The following SH3PXD2B variants were observed in gnomAD, a reference collection of about 807,000 sequenced individuals.
SH3PXD2B encodes SH3 and PX domain-containing protein 2B.
A neutral mutation model predicts 73.1 loss-of-function variants in SH3PXD2B; 37 were observed. That is an observed-to-expected ratio of 0.51 (90% CI 0.39 to 0.67). SH3PXD2B has a LOEUF of 0.67. Ranked by LOEUF, SH3PXD2B falls within the 30% of genes least tolerant of loss-of-function variation. The pLI is 0.00. For missense variants in SH3PXD2B, 1,053 were observed against 1,197.8 expected, an observed-to-expected ratio of 0.88 and a Z score of 1.78; for synonymous variants, 457 against 480.5, an observed-to-expected ratio of 0.95 and a Z score of 0.64.
chr5:172,339,118 T>C lies in SH3PXD2B; in HGVS notation c.1987A>G (p.Ile663Val). The change falls in exon 13 of 13, where the codon ATC becomes GTC. Residue 663 changes from isoleucine (I) to valine (V), a missense_variant. Ile to Val is a conservative substitution (Grantham distance 29). Coordinates refer to ENST00000311601, the MANE Select transcript of SH3PXD2B (RefSeq NM_001017995.3). The surrounding 1 kb of genome is among the most constrained non-coding windows in gnomAD (Gnocchi z 6.1). Reference sequence around the variant, plus strand: ...CTGAGCTTACTCCTGAGGTTGCAGATGTCGACTTGGTCTTCGCCCTGAGGT... The same window carrying C: ...CTGAGCTTACTCCTGAGGTTGCAGACGTCGACTTGGTCTTCGCCCTGAGGT... Reference protein sequence around the residue: ...EPPQGEDQVDICNLRSKLRPA... With the variant: ...EPPQGEDQVDVCNLRSKLRPA... 3 of 1,614,236 alleles carry C rather than the reference T, an allele frequency of 1.9e-6. No homozygotes were observed. Among genetic ancestry groups the C allele is most frequent in the Non-Finnish European group, 1.7e-6 (2 of 1,180,050 alleles).
intron 6 of SH3PXD2B, among the ~76,000 whole-genome samples, chr5:172,371,140 C>G (rs913652078): frequency 3.3e-5 from 5 of 152,164 alleles, no homozygotes; most frequent in Non-Finnish European, 7.4e-5. Context: ...CATATTTTTT[C>G]TTCATGATGA....
At chr5:172,394,797 T>G (rs1369781461) in intron 3 of SH3PXD2B, among the ~76,000 whole-genome samples, 158 bp from the exon 4 acceptor site, 1 of 152,140 alleles carries the variant, frequency 6.6e-6, no homozygotes, top group South Asian at 2.1e-4. Context: ...CCGTGAGGCT[T>G]GGATAAGCCC....
intron 2 of SH3PXD2B, among the ~76,000 whole-genome samples, chr5:172,416,420 C>T (rs537171624): frequency 9.9e-5 from 15 of 151,882 alleles, no homozygotes; most frequent in African/African-American, 2.7e-4. Context: ...CTCTGCCTCC[C>T]GGGTTCAAAT....
intron 6 of SH3PXD2B, among the ~76,000 whole-genome samples, chr5:172,368,391 T>G (rs1757572872): frequency 7.0e-6 from 1 of 143,190 alleles, no homozygotes; most frequent in South Asian, 2.1e-4. Context: ...ACTGCTATAT[T>G]CATACTGCCT....
At chr5:172,333,337 A>G (rs1756602486), downstream of SH3PXD2B, among the ~76,000 whole-genome samples, 1 of 152,046 alleles carries the variant, frequency 6.6e-6, no homozygotes, top group Non-Finnish European at 1.5e-5. Flanking sequence ...CATTGTAGTT[A>G]AGAGAATGAA....
At chr5:172,380,584 G>A (rs1196278262) in intron 5 of SH3PXD2B, among the ~76,000 whole-genome samples, 2 of 152,120 alleles carry the variant, frequency 1.3e-5, no homozygotes, top group Non-Finnish European at 2.9e-5. Context: ...AGACACCAAC[G>A]CCAAAGACAC....
At chr5:172,449,922 C>T (rs988210248) in intron 1 of SH3PXD2B, among the ~76,000 whole-genome samples, 4 of 152,066 alleles carry the variant, frequency 2.6e-5, no homozygotes, top group Admixed American at 6.5e-5. Context: ...ACAGTTAAAA[C>T]GAACTGGAGC....
intron 4 of SH3PXD2B, among the ~76,000 whole-genome samples, chr5:172,384,329 TA>T (rs1438916452): frequency 6.6e-6 from 1 of 152,014 alleles, no homozygotes; most frequent in South Asian, 2.1e-4. Flanking sequence ...TTTCTCCCAT[TA>T]AAAAAATTAA....
At chr5:172,381,992 A>G (rs776505786) in intron 5 of SH3PXD2B, 44 bp downstream of exon 5, 2 of 1,494,434 alleles carry the variant, frequency 1.3e-6, no homozygotes. Context: ...GGCAGGAGGG[A>G]GGGCTGTGGG....
intron 4 of SH3PXD2B, among the ~76,000 whole-genome samples, 161 bp downstream of exon 4, chr5:172,394,402 G>A (rs1461583834): frequency 1.3e-5 from 2 of 151,978 alleles, no homozygotes; most frequent in Non-Finnish European, 2.9e-5. Flanking sequence ...ATAACTAACT[G>A]TTGCCTCTAA....
rs147635283 is a variant in SH3PXD2B at position 172,451,106 on chromosome 5, C to T, written c.75+3172G>A. 6.4e-3 allele frequency among the ~76,000 whole-genome samples: 969 copies of T among 152,280 alleles called. 10 individuals are homozygous for T. Among genetic ancestry groups the T allele is most frequent in the Middle Eastern group, 0.014 (4 of 294 alleles). ...TGACTGAGGCTGGGGCTGGAGAGGA[C>T]GCCATTCTGATCATGGAGAAGGCAC... On this transcript the variant is annotated intron_variant, in intron 1 of 12. Coordinates refer to ENST00000311601, the MANE Select transcript of SH3PXD2B (RefSeq NM_001017995.3).
intron 1 of SH3PXD2B, among the ~76,000 whole-genome samples, chr5:172,449,876 A>G (rs1158951318): frequency 6.6e-6 from 1 of 152,238 alleles, no homozygotes; most frequent in Non-Finnish European, 1.5e-5. Context: ...CGAGCTTGAA[A>G]AAACAGGGGC....
intron 9 of SH3PXD2B, among the ~76,000 whole-genome samples, chr5:172,351,924 T>C (rs1196939716): frequency 6.6e-6 from 1 of 152,112 alleles, no homozygotes; most frequent in Non-Finnish European, 1.5e-5. Context: ...CACGCTCAGT[T>C]TGACATAGTT....
At chr5:172,446,338 C>T (rs1347630703) in intron 1 of SH3PXD2B, among the ~76,000 whole-genome samples, 1 of 152,204 alleles carries the variant, frequency 6.6e-6, no homozygotes, top group African/African-American at 2.4e-5. Context: ...TCTCTTTTGG[C>T]CACTTGTGGG....
At chr5:172,426,044 T>A (rs145724598) in intron 1 of SH3PXD2B, among the ~76,000 whole-genome samples, 235 of 152,284 alleles carry the variant, frequency 1.5e-3, no homozygotes, top group African/African-American at 5.4e-3. Flanking sequence ...AATGGATTTT[T>A]TTCTTAAAAC....
intron 2 of SH3PXD2B, 99 bp from the exon 3 acceptor site, chr5:172,406,451 A>T: frequency 7.2e-7 from 1 of 1,382,548 alleles, no homozygotes; most frequent in Non-Finnish European, 1.0e-6. Flanking sequence ...GTGATGTGAT[A>T]TACTAAAAGT....
At position 172,339,515 on chromosome 5, in the gene SH3PXD2B, G is replaced by C. The variant is rs148729326; in HGVS notation, c.1590C>G (p.Ile530Met). 3.1e-6 allele frequency: 5 copies of C among 1,614,084 alleles called. No individual in the cohort carries two copies. The highest frequency in any genetic ancestry group is 2.2e-5 in the South Asian group (2 of 91,084). The change falls in exon 13 of 13, where the codon ATC (isoleucine) becomes ATG (methionine). Residue 530 changes from isoleucine to methionine, a missense_variant. By Grantham distance (10) the Ile-to-Met change is conservative (BLOSUM62 1). Transcript: ENST00000311601. This position sits in a 1 kb window ranked among gnomAD's most constrained non-coding sequence, Gnocchi z 6.1. Reference protein sequence around the residue: ...PSLPPRKESIIKSEGELLERE... With the variant: ...PSLPPRKESIMKSEGELLERE... Reference sequence around the variant, plus strand: ...GCTCCAGCAGCTCCCCCTCCGACTTGATGATGGATTCTTTCCGCGGAGGGA... The same window carrying C: ...GCTCCAGCAGCTCCCCCTCCGACTTCATGATGGATTCTTTCCGCGGAGGGA...
At position 172,339,455 on chromosome 5, in the gene SH3PXD2B, C is replaced by A; in HGVS notation, c.1650G>T (p.Arg550=). The part of the protein sequence containing the change: ...ERERQRTEQL[R]GPTPKPPGVI... ...CGCCCGGAGGCTTGGGAGTGGGGCC[C>A]CGGAGCTGCTCCGTCCTCTGCCGCT... Residue 550 remains arginine (R), a synonymous_variant, in exon 13 of 13, where the codon CGG becomes CGT. Transcript: ENST00000311601. The surrounding 1 kb of genome is among the most constrained non-coding windows in gnomAD (Gnocchi z 6.1). 6.2e-7 allele frequency: 1 copy of A among 1,614,012 alleles called. No homozygotes were observed. The highest frequency in any genetic ancestry group is 8.5e-7 in the Non-Finnish European group (1 of 1,179,952).
chr5:172,454,252 G>A, intron 1 of SH3PXD2B, 26 bp downstream of exon 1: 1 of 1,586,922 alleles, frequency 6.3e-7, no homozygotes, highest in South Asian at 1.1e-5. Flanking sequence ...GGGCTCAAGG[G>A]GGCGTGGGGG....
Sources: gnomAD v4.1 joint callset for allele counts (sites outside exome capture counted in the v4.1 genomes callset) on GRCh38, gnomAD v4.1.1 for gene constraint, Gnocchi (gnomAD v3.1) non-coding constraint, MANE v1.5 for transcripts, NCBI Gene and HGNC (gene_info 2026-07-23, HGNC 2026-07-21) for gene names.